Variants in MAST4 observed in about 807,000 individuals in gnomAD.
The protein encoded by MAST4 is microtubule associated serine/threonine kinase family member 4.
A neutral mutation model predicts 162.7 loss-of-function variants in MAST4; 89 were observed. That is an observed-to-expected ratio of 0.55 (90% CI 0.46 to 0.65). The LOEUF (loss-of-function observed/expected upper bound fraction) is 0.65, where lower values mean the gene tolerates loss of function less well. MAST4 is among the 30% of genes least tolerant of loss of function. The pLI is 0.00. For missense variants in MAST4, 3,153 were observed against 3,374.0 expected (o/e 0.93, Z 1.62); for synonymous variants, 1,479 against 1,361.1 (o/e 1.09, Z -1.91).
chr5:67,033,864 C>T (rs937072619), intron 4 of MAST4, among the ~76,000 whole-genome samples: 13 of 152,108 alleles, frequency 8.5e-5, no homozygotes, highest in African/African-American at 2.4e-4. Flanking sequence ...TCCGCATCTA[C>T]GTATGCCATC....
At position 67,164,899 on chromosome 5, in the gene MAST4, C is replaced by G; in HGVS notation, c.5720C>G (p.Ala1907Gly). 1 of 1,614,010 alleles carries G rather than the reference C, an allele frequency of 6.2e-7. No individual in the cohort carries two copies. Among genetic ancestry groups the G allele is most frequent in the Non-Finnish European group, 8.5e-7 (1 of 1,179,902 alleles). Reference protein sequence around the residue: ...KRDRKGPHPTARSPGTVMESN... With the variant: ...KRDRKGPHPTGRSPGTVMESN... ...GACAGGAAAGGTCCCCATCCTACTGCCAGGAGCCCTGGAACAGTCATGGAA... is the reference window on the plus strand; with the variant it reads ...GACAGGAAAGGTCCCCATCCTACTGGCAGGAGCCCTGGAACAGTCATGGAA... Residue 1907 changes from alanine (A) to glycine (G), a missense_variant, in exon 29 of 29, where the codon GCC (alanine) becomes GGC (glycine). Physicochemically the swap from Ala to Gly is moderately conservative, Grantham distance 60. This residue lies in a region of MAST4 where 1,644 missense variants were observed against 1,495.0 expected (regional missense o/e 1.10). Coordinates refer to ENST00000403625, the MANE Select transcript of MAST4 (RefSeq NM_001164664.2). This position sits in a 1 kb window ranked among gnomAD's most constrained non-coding sequence, Gnocchi z 5.3.
intron 1 of MAST4, among the ~76,000 whole-genome samples, chr5:66,631,832 C>T (rs1744815383): frequency 6.6e-6 from 1 of 152,086 alleles, no homozygotes; most frequent in African/African-American, 2.4e-5. Context: ...TATTGCCATC[C>T]CCATTTTACC....
At chr5:66,709,380 A>G (rs562638146) in intron 1 of MAST4, among the ~76,000 whole-genome samples, 1 of 152,256 alleles carries the variant, frequency 6.6e-6, no homozygotes, top group Admixed American at 6.5e-5. Flanking sequence ...CAGAGGTGCA[A>G]TCATAGCTTA....
chr5:67,034,898 GCA>G (rs1291894994), intron 4 of MAST4, among the ~76,000 whole-genome samples: 8 of 152,222 alleles, frequency 5.3e-5, no homozygotes, highest in African/African-American at 1.9e-4. Flanking sequence ...ATTGATGAGT[GCA>G]CCCCTGTAAC....
chr5:66,794,574 T>C (rs1459069468), intron 3 of MAST4, among the ~76,000 whole-genome samples: 1 of 152,218 alleles, frequency 6.6e-6, no homozygotes, highest in African/African-American at 2.4e-5. Context: ...TGAATTGAGG[T>C]AGGAATTTAA....
chr5:67,151,051 T>C (rs1771741626), intron 24 of MAST4, among the ~76,000 whole-genome samples: 1 of 152,182 alleles, frequency 6.6e-6, no homozygotes, highest in Non-Finnish European at 1.5e-5. Context: ...CGAGCTCATG[T>C]TTAAACCGCA....
intron 1 of MAST4, among the ~76,000 whole-genome samples, chr5:66,755,413 A>C (rs1753476604): frequency 6.6e-6 from 1 of 152,250 alleles, no homozygotes; most frequent in Non-Finnish European, 1.5e-5. Flanking sequence ...GAAGTGTCTG[A>C]AAATGAGGTC....
At chr5:66,805,594 T>C (rs713303) in intron 3 of MAST4, among the ~76,000 whole-genome samples, 6,016 of 152,302 alleles carry the variant, frequency 0.04, 180 homozygotes, top group South Asian at 0.13. Context: ...TGGGTTGTCA[T>C]TGGGGAATCT....
chr5:66,951,431 G>A (rs1744658836), intron 4 of MAST4, among the ~76,000 whole-genome samples: 1 of 151,982 alleles, frequency 6.6e-6, no homozygotes, highest in South Asian at 2.1e-4. Context: ...TTTATCTTAT[G>A]GGAAATCATG....
chr5:66,801,121 G>T (rs1374572429), intron 3 of MAST4, among the ~76,000 whole-genome samples: 1 of 152,084 alleles, frequency 6.6e-6, no homozygotes, highest in Non-Finnish European at 1.5e-5. Flanking sequence ...ACATTTTTTA[G>T]TAAGCATCCC....
intron 1 of MAST4, among the ~76,000 whole-genome samples, chr5:66,638,114 G>A (rs556918525): frequency 3.4e-4 from 51 of 152,026 alleles, no homozygotes; most frequent in African/African-American, 9.9e-4. Context: ...TCTAATCACC[G>A]TTAGGAACCT....
At position 67,164,684 on chromosome 5, in the gene MAST4, G is replaced by A; in HGVS notation, c.5505G>A (p.Val1835=). Residue 1835 remains valine, a synonymous_variant, in exon 29 of 29, where the codon GTG becomes GTA. Coordinates refer to ENST00000403625, the MANE Select transcript of MAST4 (RefSeq NM_001164664.2). The surrounding 1 kb of genome is among the most constrained non-coding windows in gnomAD (Gnocchi z 5.3). ...AGAGCCCCAGCCCAAGTGGTGACGT[G>A]AGGGCCTCTGTGCCACCAGTTCTCC... ...SAQSPSPSGD[V]RASVPPVLPS... 1 of 1,614,002 alleles carries A rather than the reference G, an allele frequency of 6.2e-7. No homozygotes were observed. Among genetic ancestry groups the A allele is most frequent in the African/African-American group, 1.3e-5 (1 of 75,046 alleles).
chr5:66,750,654 G>A (rs191487422), intron 1 of MAST4, among the ~76,000 whole-genome samples: 1,688 of 152,318 alleles, frequency 0.011, 30 homozygotes, highest in African/African-American at 0.037. Flanking sequence ...TACGCCCACG[G>A]AGTCTCCCTG....
intron 4 of MAST4, among the ~76,000 whole-genome samples, chr5:67,027,309 T>C (rs1200119196): frequency 6.6e-6 from 1 of 152,200 alleles, no homozygotes; most frequent in African/African-American, 2.4e-5. Flanking sequence ...ACAGATGTTT[T>C]TTATTCTCAT....
At chr5:66,650,379 A>G (rs1329790325) in intron 1 of MAST4, among the ~76,000 whole-genome samples, 1 of 152,096 alleles carries the variant, frequency 6.6e-6, no homozygotes, top group African/African-American at 2.4e-5. Flanking sequence ...GATTTGTAGC[A>G]TTTGCCCATT....
At chr5:66,940,489 C>T (rs948365992) in intron 4 of MAST4, among the ~76,000 whole-genome samples, 7 of 152,230 alleles carry the variant, frequency 4.6e-5, no homozygotes, top group South Asian at 2.1e-4. Flanking sequence ...TTTATTTCAA[C>T]GTTGTTCATA....
intron 2 of MAST4, among the ~76,000 whole-genome samples, chr5:66,780,628 G>GT (rs1315471173): frequency 2.0e-5 from 3 of 152,194 alleles, no homozygotes; most frequent in Non-Finnish European, 4.4e-5. Context: ...ACCCAAGCAG[G>GT]TTGCTGCTGC....
intron 5 of MAST4, among the ~76,000 whole-genome samples, chr5:67,075,913 T>A (rs1314098710): frequency 6.6e-6 from 1 of 152,200 alleles, no homozygotes; most frequent in Admixed American, 6.5e-5. Flanking sequence ...ATTACATGTC[T>A]TGGTAAAACA....
At chr5:66,627,180 C>G (rs1439894711) in intron 1 of MAST4, among the ~76,000 whole-genome samples, 2 of 152,038 alleles carry the variant, frequency 1.3e-5, no homozygotes, top group Non-Finnish European at 2.9e-5. Context: ...CATGCAGCAG[C>G]AAGGAGAAGT....
Sources: gnomAD v4.1 joint callset for allele counts (sites outside exome capture counted in the v4.1 genomes callset) on GRCh38, gnomAD v4.1.1 for gene constraint, gnomAD v4.1.1 regional missense constraint, Gnocchi (gnomAD v3.1) non-coding constraint, MANE v1.5 for transcripts, NCBI Gene and HGNC (gene_info 2026-07-23, HGNC 2026-07-21) for gene names.